Variants in PBX1 observed in about 807,000 individuals in gnomAD.
PBX1 encodes the protein PBX homeobox 1.
A neutral mutation model predicts 53.4 loss-of-function variants in PBX1; 6 were observed. The observed-to-expected ratio is 0.11, with a 90% CI of 0.06 to 0.22. PBX1 has a LOEUF of 0.22. Among genes scored for constraint, PBX1 ranks in the 10% least tolerant of loss-of-function variants. The pLI is 1.00. For synonymous variants in PBX1, 204 were observed against 212.3 expected (o/e 0.96, Z 0.34); for missense variants, 251 against 551.4 (o/e 0.46, Z 5.46).
At chr1:164,801,543 T>G (rs1175521936) in intron 4 of PBX1, among the ~76,000 whole-genome samples, 5 of 152,098 alleles carry the variant, frequency 3.3e-5, no homozygotes, top group Non-Finnish European at 7.4e-5. Flanking sequence ...ATTGTCTCAT[T>G]GGATATCTTC....
chr1:164,778,535 G>A (rs1177250006), intron 2 of PBX1, among the ~76,000 whole-genome samples: 1 of 151,968 alleles, frequency 6.6e-6, no homozygotes, highest in Non-Finnish European at 1.5e-5. Flanking sequence ...TACTTGGGAG[G>A]CTGATGTGGG....
chr1:164,702,189 G>C (rs1018716324), intron 2 of PBX1, among the ~76,000 whole-genome samples: 25 of 149,968 alleles, frequency 1.7e-4, no homozygotes, highest in Non-Finnish European at 3.3e-4. Flanking sequence ...CCACGATGAG[G>C]TTTTTTTTTT....
At chr1:164,836,637 A>G (rs764149272) in intron 8 of PBX1, among the ~76,000 whole-genome samples, 2 of 151,994 alleles carry the variant, frequency 1.3e-5, no homozygotes, top group Non-Finnish European at 2.9e-5. Context: ...TCTTGTCAAC[A>G]TTTTCTTTCT....
chr1:164,603,928 C>CTT (rs1557885817), intron 2 of PBX1, among the ~76,000 whole-genome samples: 7 of 48,722 alleles, frequency 1.4e-4, no homozygotes, highest in African/African-American at 5.4e-4. Flanking sequence ...TATGTCATTT[C>CTT]ATTTTTTTTT....
rs929570688 is a variant in PBX1, at chr1:164,847,401, G to A, written c.*725G>A. ...GAAGTCAGGCAGCAGGGAAGGACAC[G>A]GGAACAGCAGGTGGAGAATTCCTAC... On this transcript the variant is annotated 3_prime_UTR_variant, in exon 9 of 9. Coordinates refer to ENST00000420696, the MANE Select transcript of PBX1 (RefSeq NM_002585.4). 7.5e-6 allele frequency: 8 copies of A among 1,064,094 alleles called. No individual in the cohort carries two copies. The highest frequency in any genetic ancestry group is 6.6e-5 in the African/African-American group (4 of 61,012). The allele number at this position is 1,064,094 out of a possible 1,614,324, so 65.9% of individuals were successfully genotyped here.
intron 2 of PBX1, among the ~76,000 whole-genome samples, chr1:164,601,516 A>G (rs938206672): frequency 5.9e-5 from 9 of 152,310 alleles, no homozygotes; most frequent in South Asian, 2.1e-4. Context: ...GGAAAAAACC[A>G]TCTCACTTTA....
chr1:164,565,928 A>C (rs935454730), intron 2 of PBX1, among the ~76,000 whole-genome samples: 1 of 152,116 alleles, frequency 6.6e-6, no homozygotes, highest in Admixed American at 6.6e-5. Flanking sequence ...TGCTTATAAT[A>C]ATAATAGAGG....
chr1:164,841,378 A>T (rs1671282905), intron 8 of PBX1, among the ~76,000 whole-genome samples: 1 of 152,176 alleles, frequency 6.6e-6, no homozygotes, highest in Non-Finnish European at 1.5e-5. Flanking sequence ...AGCAAGATCA[A>T]GGCTGCGGCA....
intron 2 of PBX1, among the ~76,000 whole-genome samples, chr1:164,576,472 T>C (rs985667089): frequency 1.3e-5 from 2 of 152,172 alleles, no homozygotes; most frequent in African/African-American, 4.8e-5. Flanking sequence ...CGTTCGGGCG[T>C]GCGGCCCCCC....
rs542593151 is a variant in PBX1 at position 164,566,591 on chromosome 1, A to T, written c.265+3280A>T. Among the ~76,000 whole-genome samples, 49 of 152,274 alleles carry T rather than the reference A, an allele frequency of 3.2e-4. No individual in the cohort carries two copies. In the South Asian group the frequency reaches 9.3e-3, roughly 29 times the overall value. On this transcript the variant is annotated intron_variant, in intron 2 of 8. Transcript: ENST00000420696. Reference sequence around the variant, plus strand: ...GGCTAAGTTTTGCATATGTGTATATATGGTGGTAATGGGGTTGGTGGGATA... The same window carrying T: ...GGCTAAGTTTTGCATATGTGTATATTTGGTGGTAATGGGGTTGGTGGGATA...
At chr1:164,577,261 A>G (rs1440638919) in intron 2 of PBX1, among the ~76,000 whole-genome samples, 1 of 152,164 alleles carries the variant, frequency 6.6e-6, no homozygotes, top group Non-Finnish European at 1.5e-5. Flanking sequence ...CAGCACTGAC[A>G]TTTGTTTTCC....
At chr1:164,840,973 C>T (rs903320880) in intron 8 of PBX1, among the ~76,000 whole-genome samples, 1 of 152,130 alleles carries the variant, frequency 6.6e-6, no homozygotes, top group African/African-American at 2.4e-5. Context: ...TCATCCTATG[C>T]CTCTCCAAGA....
chr1:164,839,206 T>C (rs553261729), intron 8 of PBX1, among the ~76,000 whole-genome samples: 57 of 152,216 alleles, frequency 3.7e-4, no homozygotes, highest in Non-Finnish European at 6.5e-4. Flanking sequence ...CTAGCACTTA[T>C]TGCCATCTAG....
At chr1:164,665,595 C>G (rs1346055954) in intron 2 of PBX1, among the ~76,000 whole-genome samples, 1 of 152,106 alleles carries the variant, frequency 6.6e-6, no homozygotes, top group Admixed American at 6.6e-5. Context: ...CCTAATTTTT[C>G]AGATTAAAAA....
At chr1:164,794,876 C>T (rs1460629679) in intron 3 of PBX1, among the ~76,000 whole-genome samples, 3 of 152,174 alleles carry the variant, frequency 2.0e-5, no homozygotes, top group Non-Finnish European at 4.4e-5. Context: ...CGACTTCCTT[C>T]ACTAAACCAT....
At chr1:164,692,649 G>C (rs369301096) in intron 2 of PBX1, among the ~76,000 whole-genome samples, 6 of 152,160 alleles carry the variant, frequency 3.9e-5, no homozygotes, top group African/African-American at 7.2e-5. Flanking sequence ...AGGTGTGAGC[G>C]TGGGGAATAG....
At chr1:164,689,490 C>T (rs770065591) in intron 2 of PBX1, among the ~76,000 whole-genome samples, 10 of 152,132 alleles carry the variant, frequency 6.6e-5, no homozygotes, top group East Asian at 3.9e-4. Flanking sequence ...AGGGAATGGG[C>T]GAGCAGGTTT....
Position 164,849,055 on chromosome 1 carries a change from T to A in PBX1, c.*2379T>A. 7.8e-7 allele frequency: 1 copy of A among 1,274,796 alleles called. No homozygotes were observed. The allele number at this position is 1,274,796 out of a possible 1,614,324, so 79.0% of individuals were successfully genotyped here. The stretch of plus-strand genomic sequence containing the variant: ...TGATTAGAATCAGTGGAGAACTCCA[T>A]CTTAGTGGCAGGAATATAATGAAAC... On this transcript the variant is annotated 3_prime_UTR_variant, in exon 9 of 9. Coordinates refer to ENST00000420696, the MANE Select transcript of PBX1 (RefSeq NM_002585.4).
intron 8 of PBX1, among the ~76,000 whole-genome samples, chr1:164,837,688 TG>T (rs893056314): frequency 6.6e-6 from 1 of 152,248 alleles, no homozygotes; most frequent in Non-Finnish European, 1.5e-5. Flanking sequence ...TATTTTTCTT[TG>T]CCAGGAGATC....
Sources: allele counts gnomAD v4.1 joint callset (sites outside exome capture counted in the v4.1 genomes callset), GRCh38; gene constraint gnomAD v4.1.1; transcripts MANE v1.5; gene names NCBI Gene and HGNC (gene_info 2026-07-23, HGNC 2026-07-21).